RCAN3: variants seen among roughly 807,000 people sequenced by gnomAD.
RCAN3 encodes the protein regulator of calcineurin 3, also known as calcipressin-3.
A neutral mutation model predicts 21.9 loss-of-function variants in RCAN3; 19 were observed. The observed-to-expected ratio is 0.87, with a 90% CI of 0.61 to 1.27. RCAN3 has a LOEUF of 1.27. RCAN3 is among the 50% of genes most tolerant of loss of function. The pLI is 0.00. For missense variants in RCAN3, 240 were observed against 300.1 expected (o/e 0.80, Z 1.48); for synonymous variants, 114 against 112.3 (o/e 1.01, Z -0.09).
chr1:24,506,757 A>ATT (rs11435534), intron 1 of RCAN3, among the ~76,000 whole-genome samples: 13 of 146,902 alleles, frequency 8.8e-5, no homozygotes, highest in East Asian at 3.9e-4. Flanking sequence ...TATTCTAAGA[A>ATT]TTTTTTTTTT....
At chr1:24,521,175 T>G (rs1182560785) in intron 2 of RCAN3, among the ~76,000 whole-genome samples, 1 of 152,210 alleles carries the variant, frequency 6.6e-6, no homozygotes, top group East Asian at 1.9e-4. Flanking sequence ...CAAATGATTT[T>G]CAACAAAGGT....
chr1:24,503,376 G>A (rs375010029), intron 1 of RCAN3, among the ~76,000 whole-genome samples: 5 of 152,224 alleles, frequency 3.3e-5, no homozygotes, highest in African/African-American at 9.6e-5. Context: ...GCAGCCTCGA[G>A]GGTGGTGTCC....
rs1232545730 is a variant in RCAN3 at position 24,535,572 on chromosome 1, C to T, written c.*295C>T. 3.4e-6 allele frequency: 1 copy of T among 294,840 alleles called. No individual in the cohort carries two copies. The highest frequency in any genetic ancestry group is 6.2e-6 in the Non-Finnish European group (1 of 161,840). The allele number at this position is 294,840 out of a possible 1,614,324, so 18.3% of individuals were successfully genotyped here. On this transcript the variant is annotated 3_prime_UTR_variant, in exon 5 of 5. Coordinates refer to ENST00000374395, the MANE Select transcript of RCAN3 (RefSeq NM_013441.4). ...ACAAATTAGGAAAACAGCTCCCCTC[C>T]CCTCCAGCCATGTAAGTCCTCCTGA... is the stretch of plus-strand genomic sequence containing the variant.
At chr1:24,522,629 G>A (rs923394330) in intron 2 of RCAN3, among the ~76,000 whole-genome samples, 25 of 152,102 alleles carry the variant, frequency 1.6e-4, no homozygotes, top group African/African-American at 5.8e-4. Context: ...AGGCCTCCAC[G>A]CTTGTCTCAT....
At chr1:24,512,590 CCTCA>C (rs1034983167) in intron 1 of RCAN3, among the ~76,000 whole-genome samples, 7 of 152,140 alleles carry the variant, frequency 4.6e-5, no homozygotes, top group African/African-American at 1.7e-4. Flanking sequence ...TACCAAAAAA[CCTCA>C]CTATTTTTAT....
intron 4 of RCAN3, among the ~76,000 whole-genome samples, 171 bp from the exon 5 acceptor site, chr1:24,534,922 T>C (rs1650104812): frequency 6.6e-6 from 1 of 152,234 alleles, no homozygotes; most frequent in Non-Finnish European, 1.5e-5. Flanking sequence ...CCTTAAAGTA[T>C]CAAATCTTTA....
rs1224765762 is a variant in RCAN3 at position 24,537,439 on chromosome 1, T to C, written c.*2162T>C. The C allele has an allele frequency of 1.3e-5, 2 of 152,216 alleles. No individual in the cohort carries two copies. Among genetic ancestry groups the C allele is most frequent in the East Asian group, 1.9e-4 (1 of 5,206 alleles). The allele number at this position is 152,216 out of a possible 1,614,324, so 9.4% of individuals were successfully genotyped here. On this transcript the variant is annotated 3_prime_UTR_variant, in exon 5 of 5. Transcript: ENST00000374395. ...CTAAGTACCCATCAACTTTTTCATA[T>C]TGTGAAATGAACCAGGATCTTAACA...
At position 24,537,491 on chromosome 1, in the gene RCAN3, G is replaced by C. The variant is rs1468050962; in HGVS notation, c.*2214G>C. ...ATACTATCATCGCTGTCCTTTTTTG[G>C]CTGTTTAATATCTAGTTCATGTAAC... On this transcript the variant is annotated 3_prime_UTR_variant, in exon 5 of 5. Transcript: ENST00000374395. 6.6e-6 allele frequency: 1 copy of C among 151,828 alleles called. No homozygotes were observed. Among genetic ancestry groups the C allele is most frequent in the Non-Finnish European group, 1.5e-5 (1 of 67,970 alleles). 9.4% of individuals were successfully genotyped at this position (151,828 alleles called of 1,614,324 possible).
rs1015944666 is a variant in RCAN3, at chr1:24,523,065, C to T, written c.196-8153C>T. On this transcript the variant is annotated intron_variant, in intron 2 of 4. Coordinates refer to ENST00000374395, the MANE Select transcript of RCAN3 (RefSeq NM_013441.4). ...CTGATATTCTGTGTGTATGTACACA[C>T]ACTTTTTTTTTTTTTTGAGACAGAG... Among the ~76,000 whole-genome samples, 6 of 145,684 alleles carry T rather than the reference C, an allele frequency of 4.1e-5. No individual in the cohort carries two copies. The East Asian group carries it at 1.2e-3, about 28-fold the overall frequency.
At chr1:24,505,935 C>G (rs1351495273) in intron 1 of RCAN3, among the ~76,000 whole-genome samples, 1 of 152,166 alleles carries the variant, frequency 6.6e-6, no homozygotes, top group Non-Finnish European at 1.5e-5. Flanking sequence ...TGACATTTTG[C>G]CTTGATAGAT....
At chr1:24,517,106 T>C (rs1227979274) in intron 2 of RCAN3, among the ~76,000 whole-genome samples, 1 of 150,600 alleles carries the variant, frequency 6.6e-6, no homozygotes, top group Non-Finnish European at 1.5e-5. Flanking sequence ...TTTTTTTTTG[T>C]TTGTTTGTTT....
rs1396486242 is a variant in RCAN3, at chr1:24,517,094, G to GT, written c.195+2537dup. On this transcript the variant is annotated intron_variant, in intron 2 of 4. Transcript: ENST00000374395. ...CTTTTCTATTTTTTTGTTTTTTTTT[G>GT]TTTTTTTTTTGTTTGTTTGTTTGTT... Among the ~76,000 whole-genome samples the GT allele has an allele frequency of 3.2e-3, 404 of 126,336 alleles. 1 individual carries two copies. The highest frequency in any genetic ancestry group is 8.8e-3 in the African/African-American group (274 of 31,204). 82.9% of individuals were successfully genotyped at this position (126,336 alleles called of 152,430 possible). A position where few individuals can be genotyped will look rare whatever the true frequency, so the allele number is the denominator to read the frequency against.
At position 24,531,256 on chromosome 1, in the gene RCAN3, G is replaced by C. The variant is rs1223744200; in HGVS notation, c.234G>C (p.Gln78His). 1 of 1,609,898 alleles carries C rather than the reference G, an allele frequency of 6.2e-7. No individual in the cohort carries two copies. The highest frequency in any genetic ancestry group is 8.5e-7 in the Non-Finnish European group (1 of 1,177,544). ...CACTCTTCACCATCTATGATGACCAGGTTACTTTTCAGCTGTTTAAAAGCT... is the reference window on the plus strand; with the variant it reads ...CACTCTTCACCATCTATGATGACCACGTTACTTTTCAGCTGTTTAAAAGCT... ...FEALFTIYDD[Q>H]VTFQLFKSFR... Residue 78 changes from glutamine to histidine, a missense_variant, in exon 3 of 5, where the codon CAG (glutamine) becomes CAC (histidine). Coordinates refer to ENST00000374395, the MANE Select transcript of RCAN3 (RefSeq NM_013441.4).
At chr1:24,532,948 CAAAAAAA>C (rs756973308) in intron 3 of RCAN3, 128 bp from the exon 4 acceptor site, 170 of 93,204 alleles carry the variant, frequency 1.8e-3, no homozygotes, top group Middle Eastern at 0.014. Context: ...GACTCCGTCT[CAAAAAAA>C]AAAAAAAAAA....
At chr1:24,534,130 C>A (rs756268422) in intron 4 of RCAN3, among the ~76,000 whole-genome samples, 8 of 152,142 alleles carry the variant, frequency 5.3e-5, no homozygotes, top group Non-Finnish European at 1.2e-4. Flanking sequence ...CAGTTGTCCA[C>A]CCAAGACAGA....
In RCAN3 at chr1:24,533,181, G is replaced by A; in HGVS notation, c.468G>A (p.Gly156=). The change falls in exon 4 of 5, where the codon GGG becomes GGA. Residue 156 remains glycine, a synonymous_variant. Coordinates refer to ENST00000374395, the MANE Select transcript of RCAN3 (RefSeq NM_013441.4). ...LISPPASPPV[G]WKQSEDAMPV... is the part of the protein sequence containing the mutation. The stretch of plus-strand genomic sequence containing the variant: ...CCCCTCCAGCCTCTCCCCCGGTGGG[G>A]TGGAAGCAGAGCGAAGATGCGATGC... 1 of 1,607,494 alleles carries A rather than the reference G, an allele frequency of 6.2e-7. No individual in the cohort carries two copies. Among genetic ancestry groups the A allele is most frequent in the East Asian group, 2.3e-5 (1 of 43,974 alleles).
intron 2 of RCAN3, among the ~76,000 whole-genome samples, chr1:24,530,843 C>T (rs1187238540): frequency 6.6e-6 from 1 of 152,112 alleles, no homozygotes; most frequent in Non-Finnish European, 1.5e-5. Flanking sequence ...AAACCCATCT[C>T]TACTAAAAAT....
intron 2 of RCAN3, among the ~76,000 whole-genome samples, chr1:24,523,884 T>A (rs1233026954): frequency 1.3e-5 from 2 of 152,198 alleles, no homozygotes; most frequent in African/African-American, 2.4e-5. Context: ...TATGCTAAAC[T>A]GTATGCTAAA....
At chr1:24,517,095 T>G (rs74871858) in intron 2 of RCAN3, among the ~76,000 whole-genome samples, 8 of 140,426 alleles carry the variant, frequency 5.7e-5, no homozygotes, top group South Asian at 2.2e-4. Flanking sequence ...TTTTTTTTTG[T>G]TTTTTTTTTG....
Sources: allele counts gnomAD v4.1 joint callset (sites outside exome capture counted in the v4.1 genomes callset), GRCh38; gene constraint gnomAD v4.1.1; transcripts MANE v1.5; gene names NCBI Gene and HGNC (gene_info 2026-07-23, HGNC 2026-07-21).